Variants in MAF observed in about 807,000 individuals in gnomAD.
MAF encodes MAF bZIP transcription factor, also known as transcription factor Maf.
A neutral mutation model predicts 22.0 loss-of-function variants in MAF; 10 were observed. That is an observed-to-expected ratio of 0.45 (90% CI 0.28 to 0.77). The LOEUF is 0.77. Among genes scored for constraint, MAF ranks in the 30% least tolerant of loss-of-function variants. The pLI is 0.12. For missense variants in MAF, 544 were observed against 548.4 expected (o/e 0.99, Z 0.08); for synonymous variants, 337 against 255.8 (o/e 1.32, Z -3.03).
At chr16:79,354,885 T>C in the MAF span, among the ~76,000 whole-genome samples, 1 of 152,054 alleles carries the variant, frequency 6.6e-6, no homozygotes, top group African/African-American at 2.4e-5. Flanking sequence ...ACCATGTGTA[T>C]GAGAAATCCA....
chr16:79,401,344 G>T, the MAF span, among the ~76,000 whole-genome samples: 1 of 152,092 alleles, frequency 6.6e-6, no homozygotes, highest in Non-Finnish European at 1.5e-5. Context: ...TTCTCTCATG[G>T]AACTCTCTCC....
the MAF span, among the ~76,000 whole-genome samples, chr16:79,221,373 C>G: frequency 6.6e-6 from 1 of 152,144 alleles, no homozygotes; most frequent in Non-Finnish European, 1.5e-5. Context: ...GAACAAGAAT[C>G]CAGAACCTTC....
the MAF span, among the ~76,000 whole-genome samples, chr16:79,455,013 T>C: frequency 5.9e-5 from 9 of 151,764 alleles, no homozygotes. Context: ...GGAGAATCAC[T>C]TGGACCCGGG....
At chr16:79,576,259 A>AT in the MAF span, among the ~76,000 whole-genome samples, 1 of 146,192 alleles carries the variant, frequency 6.8e-6, no homozygotes, top group Non-Finnish European at 1.5e-5. Context: ...AAAAAAAAAA[A>AT]GGACCAGTAC....
chr16:79,564,625 T>G, the MAF span, among the ~76,000 whole-genome samples: 1 of 152,220 alleles, frequency 6.6e-6, no homozygotes, highest in African/African-American at 2.4e-5. Flanking sequence ...GAGCACCCTG[T>G]GGCAGCCCAC....
the MAF span, among the ~76,000 whole-genome samples, chr16:79,223,523 T>A: frequency 1.2e-4 from 19 of 152,232 alleles, no homozygotes; most frequent in East Asian, 3.5e-3. Context: ...AGAGCAGAAC[T>A]GAAGGAGATA....
the MAF span, among the ~76,000 whole-genome samples, chr16:79,480,818 C>T: frequency 6.6e-6 from 1 of 152,160 alleles, no homozygotes; most frequent in Non-Finnish European, 1.5e-5. Context: ...TTCCCTTCCT[C>T]TGGGAAAACA....
At chr16:79,369,264 T>C in the MAF span, among the ~76,000 whole-genome samples, 1 of 152,154 alleles carries the variant, frequency 6.6e-6, no homozygotes, top group South Asian at 2.1e-4. Flanking sequence ...CCCTATGTGC[T>C]GGGAGCTGGG....
chr16:79,418,788 A>T, the MAF span, among the ~76,000 whole-genome samples: 4 of 152,152 alleles, frequency 2.6e-5, no homozygotes, highest in Non-Finnish European at 5.9e-5. Flanking sequence ...ATTTTTCATT[A>T]TCTCATATCA....
At chr16:79,350,866 AGTGTGTGTGTGTGT>A in the MAF span, among the ~76,000 whole-genome samples, 4 of 148,406 alleles carry the variant, frequency 2.7e-5, no homozygotes, top group South Asian at 2.2e-4. Flanking sequence ...AACAGTGAGA[AGTGTGTGTGTGTGT>A]GTGTGTGTGT....
the MAF span, among the ~76,000 whole-genome samples, chr16:79,499,129 G>A: frequency 6.6e-6 from 1 of 152,186 alleles, no homozygotes; most frequent in South Asian, 2.1e-4. Context: ...AATCTCCATT[G>A]TATTAGTCAT....
At chr16:79,365,278 C>T in the MAF span, among the ~76,000 whole-genome samples, 1 of 152,202 alleles carries the variant, frequency 6.6e-6, no homozygotes, top group Non-Finnish European at 1.5e-5. Flanking sequence ...ATCGTGCACT[C>T]TCACAACTAT....
At chr16:79,219,158 G>A in the MAF span, among the ~76,000 whole-genome samples, 2 of 152,138 alleles carry the variant, frequency 1.3e-5, no homozygotes, top group Admixed American at 6.5e-5. Context: ...CGCAAATAGA[G>A]GCTCTCCATG....
chr16:79,254,687 C>A, the MAF span, among the ~76,000 whole-genome samples: 1 of 152,156 alleles, frequency 6.6e-6, no homozygotes, highest in Non-Finnish European at 1.5e-5. Flanking sequence ...CTGGATTATT[C>A]TCCCAGAGAG....
the MAF span, among the ~76,000 whole-genome samples, chr16:79,376,774 G>A: frequency 1.3e-5 from 2 of 152,166 alleles, no homozygotes; most frequent in Non-Finnish European, 1.5e-5. Flanking sequence ...AACACGTGGT[G>A]TTTGTTTTTT....
At chr16:79,308,435 A>G in the MAF span, among the ~76,000 whole-genome samples, 1 of 152,058 alleles carries the variant, frequency 6.6e-6, no homozygotes, top group Non-Finnish European at 1.5e-5. Flanking sequence ...AGGCTAAATA[A>G]CCTCAATGAG....
the MAF span, among the ~76,000 whole-genome samples, chr16:79,272,267 G>T: frequency 9.6e-4 from 146 of 152,352 alleles, no homozygotes; most frequent in Non-Finnish European, 1.7e-3. Context: ...CAAACACCAG[G>T]CGGAGAAGAG....
the MAF span, among the ~76,000 whole-genome samples, chr16:79,273,309 G>T: frequency 6.6e-6 from 1 of 152,138 alleles, no homozygotes; most frequent in Admixed American, 6.5e-5. Flanking sequence ...GGAAAGAGAA[G>T]TTCCATGACT....
the MAF span, among the ~76,000 whole-genome samples, chr16:79,489,563 A>G: frequency 6.6e-6 from 1 of 152,224 alleles, no homozygotes; most frequent in Non-Finnish European, 1.5e-5. Context: ...TACCTAATTC[A>G]GTCTAAGTGA....
Sources: allele counts gnomAD v4.1 joint callset (sites outside exome capture counted in the v4.1 genomes callset), GRCh38; gene constraint gnomAD v4.1.1; transcripts MANE v1.5; gene names NCBI Gene and HGNC (gene_info 2026-07-23, HGNC 2026-07-21).